The following HDAC7 variants were observed in gnomAD, a reference collection of about 807,000 sequenced individuals.
HDAC7 encodes the protein histone deacetylase 7, also known as histone deacetylase 7A.
In HDAC7, 26 loss-of-function variants were observed where a neutral mutation model predicts 115.5. That is an observed-to-expected ratio of 0.23 (90% CI 0.16 to 0.31). HDAC7 has a LOEUF of 0.31. HDAC7 is among the 10% of genes least tolerant of loss of function. The probability of loss-of-function intolerance (pLI) is 1.00; values close to 1 mark genes in which losing one functional copy is unlikely to be tolerated. For missense variants in HDAC7, 1,068 were observed against 1,329.0 expected (o/e 0.80, Z 3.05); for synonymous variants, 564 against 550.9 (o/e 1.02, Z -0.33).
intron 2 of HDAC7, among the ~76,000 whole-genome samples, chr12:47,800,019 T>C (rs1359715305): frequency 2.0e-5 from 3 of 152,086 alleles, no homozygotes; most frequent in South Asian, 2.1e-4. Context: ...TCCTCAGGGA[T>C]TGGGGCTGAG....
At chr12:47,808,307 G>A (rs1380263599) in intron 1 of HDAC7, among the ~76,000 whole-genome samples, 1 of 152,160 alleles carries the variant, frequency 6.6e-6, no homozygotes, top group Non-Finnish European at 1.5e-5. Context: ...CCTGAGCTGG[G>A]AGCCAGTGTC....
chr12:47,806,628 G>A (rs1271390215), intron 1 of HDAC7, among the ~76,000 whole-genome samples: 1 of 152,152 alleles, frequency 6.6e-6, no homozygotes, highest in Non-Finnish European at 1.5e-5. Context: ...GGCGGAGGCT[G>A]CAGTGAGCTG....
Position 47,793,276 on chromosome 12 carries a change from C to A in HDAC7, c.1678+93G>T. The A allele has an allele frequency of 1.1e-6, 1 of 941,876 alleles. No individual in the cohort carries two copies. 58.3% of individuals were successfully genotyped at this position (941,876 alleles called of 1,614,324 possible). ...CCTAACAAGGCTAAGCACTCTGTGG[C>A]CTCTAAAAATGTCCCAAGTGACACC... On this transcript the variant is annotated intron_variant, in intron 13 of 25. Coordinates refer to ENST00000080059, the MANE Select transcript of HDAC7 (RefSeq NM_015401.5). The surrounding 1 kb of genome is among the most constrained non-coding windows in gnomAD (Gnocchi z 4.5).
chr12:47,815,015 G>A (rs1354571233), intron 1 of HDAC7, among the ~76,000 whole-genome samples: 3 of 152,212 alleles, frequency 2.0e-5, no homozygotes, highest in African/African-American at 4.8e-5. Context: ...CCTGAGGTCA[G>A]ATGTTGTGCC....
intron 19 of HDAC7, 88 bp downstream of exon 19, chr12:47,789,167 CAGAACT>C: frequency 1.0e-6 from 1 of 982,092 alleles, no homozygotes. Flanking sequence ...GAGGCTACTG[CAGAACT>C]AAGACATGAA....
rs759245288 is a variant in HDAC7 at position 47,795,649 on chromosome 12, G to C, written c.1025C>G (p.Pro342Arg). The C allele has an allele frequency of 1.5e-5, 24 of 1,554,828 alleles. No individual in the cohort carries two copies. The highest frequency in any genetic ancestry group is 9.6e-5 in the African/African-American group (7 of 73,240). Residue 342 changes from proline (P) to arginine (R), a missense_variant, in exon 10 of 26, where the codon CCC becomes CGC. By Grantham distance (103) the Pro-to-Arg change is moderately radical (BLOSUM62 -2). This residue lies in a region of HDAC7 where 618 missense variants were observed against 701.5 expected (regional missense o/e 0.88). Coordinates refer to ENST00000080059, the MANE Select transcript of HDAC7 (RefSeq NM_015401.5). The surrounding 1 kb of genome is among the most constrained non-coding windows in gnomAD (Gnocchi z 4.3). ...GAGGAGAATGGGCTGCAGGCGAGAG[G>C]GCAAGGTGCCCCCAGCCTCGGGCTC... ...GLEPEAGGTL[P>R]SRLQPILLLD...
At position 47,803,150 on chromosome 12, in the gene HDAC7, G is replaced by C. The variant is rs964326397; in HGVS notation, c.20-876C>G. On this transcript the variant is annotated intron_variant, in intron 1 of 25. Transcript: ENST00000080059. This position sits in a 1 kb window ranked among gnomAD's most constrained non-coding sequence, Gnocchi z 4.0. ...GCCAGCTGGGGTTGGAGAAGACAGAGATGAGTCCTGAGGCCACCTGTCCAG... is the reference window on the plus strand; with the variant it reads ...GCCAGCTGGGGTTGGAGAAGACAGACATGAGTCCTGAGGCCACCTGTCCAG... 3.3e-5 allele frequency among the ~76,000 whole-genome samples: 5 copies of C among 152,160 alleles called. No individual in the cohort carries two copies. Among genetic ancestry groups the C allele is most frequent in the African/African-American group, 1.2e-4 (5 of 41,442 alleles).
At chr12:47,792,318 G>C (rs965205926) in intron 13 of HDAC7, 7 of 432,224 alleles carry the variant, frequency 1.6e-5, no homozygotes, top group Non-Finnish European at 2.5e-5. Context: ...CCCAGGACTC[G>C]AGGGCCCAGC....
At position 47,811,663 on chromosome 12, in the gene HDAC7, C is replaced by T. The variant is rs117832615; in HGVS notation, c.19+8104G>A. Among the ~76,000 whole-genome samples the T allele has an allele frequency of 3.8e-4, 58 of 152,286 alleles. No individual in the cohort carries two copies. The East Asian group carries it at 7.7e-3, about 20-fold the overall frequency. ...ACATGGACTGCCTCTGTAATAATTA[C>T]GCAGCATATATACGTACATAGACAC... On this transcript the variant is annotated intron_variant, in intron 1 of 25. Transcript: ENST00000080059.
Position 47,798,468 on chromosome 12 carries a change from G to T in HDAC7, c.349+94C>A, listed in dbSNP as rs563952110. The T allele has an allele frequency of 8.8e-7, 1 of 1,137,650 alleles. No individual in the cohort carries two copies. The highest frequency in any genetic ancestry group is 1.3e-5 in the South Asian group (1 of 78,864). The allele number at this position is 1,137,650 out of a possible 1,614,324, so 70.5% of individuals were successfully genotyped here. A position where few individuals can be genotyped will look rare whatever the true frequency, so the allele number is the denominator to read the frequency against. On this transcript the variant is annotated intron_variant, in intron 4 of 25. Coordinates refer to ENST00000080059, the MANE Select transcript of HDAC7 (RefSeq NM_015401.5). The surrounding 1 kb of genome is among the most constrained non-coding windows in gnomAD (Gnocchi z 4.3). The stretch of plus-strand genomic sequence containing the variant: ...AGCCTCGGCTCAGGCCCAGCTGGCT[G>T]CGGCCCTCCCACCTCACCCCTCACA...
At position 47,797,964 on chromosome 12, in the gene HDAC7, C is replaced by T. The variant is rs753946579; in HGVS notation, c.461+144G>A. 58 of 656,664 alleles carry T rather than the reference C, an allele frequency of 8.8e-5. No homozygotes were observed. Among genetic ancestry groups the T allele is most frequent in the Non-Finnish European group, 1.3e-4 (47 of 367,514 alleles). 40.7% of individuals were successfully genotyped at this position (656,664 alleles called of 1,614,324 possible). ...GCAGGTATCAGTTGAGAGAGGGGCT[C>T]GGGGGCATTATGTTTAGAGGAAGGG... is the stretch of plus-strand genomic sequence containing the variant. On this transcript the variant is annotated intron_variant, in intron 5 of 25. Transcript: ENST00000080059. The surrounding 1 kb of genome is among the most constrained non-coding windows in gnomAD (Gnocchi z 5.5).
intron 2 of HDAC7, among the ~76,000 whole-genome samples, chr12:47,800,070 T>C (rs1221241948): frequency 6.6e-6 from 1 of 151,872 alleles, no homozygotes; most frequent in Non-Finnish European, 1.5e-5. Context: ...AGTCCAGGAG[T>C]CAGAAATCAT....
At chr12:47,791,115 G>A (rs1654558244) in intron 16 of HDAC7, 144 bp downstream of exon 16, 1 of 767,546 alleles carries the variant, frequency 1.3e-6, no homozygotes, top group Non-Finnish European at 2.2e-6. Flanking sequence ...CTGCTGCAGG[G>A]GGCACCTCAG....
chr12:47,795,638 G>A lies in HDAC7; in HGVS notation c.1036C>T (p.Gln346Ter). 1 of 1,556,776 alleles carries A rather than the reference G, an allele frequency of 6.4e-7. No homozygotes were observed. The highest frequency in any genetic ancestry group is 8.7e-7 in the Non-Finnish European group (1 of 1,150,174). ...GAGGGGTCCAGGAGGAGAATGGGCT[G>A]CAGGCGAGAGGGCAAGGTGCCCCCA... The part of the protein sequence containing the change: ...EAGGTLPSRL[Q>*]PILLLDPSGS... The change falls in exon 10 of 26, where the codon CAG becomes TAG. Residue 346 changes from glutamine to a stop codon, truncating the protein, a stop_gained. Transcript: ENST00000080059. LOFTEE classifies it high-confidence loss of function. This position sits in a 1 kb window ranked among gnomAD's most constrained non-coding sequence, Gnocchi z 4.3.
At position 47,798,871 on chromosome 12, in the gene HDAC7, A is replaced by G. The variant is rs781668941; in HGVS notation, c.172T>C (p.Leu58=). ...CGCTGGGGACGCTGCAGGGCCAGCA[A>G]TGTGGGCTCTGGTGGGGGCTCCACT... ...PPVEPPPEPT[L]LALQRPQRLH... is the part of the protein sequence containing the mutation. The change falls in exon 3 of 26, where the codon TTG becomes CTG. Residue 58 remains leucine, a synonymous_variant. Coordinates refer to ENST00000080059, the MANE Select transcript of HDAC7 (RefSeq NM_015401.5). This position sits in a 1 kb window ranked among gnomAD's most constrained non-coding sequence, Gnocchi z 4.3. The G allele has an allele frequency of 1.3e-6, 2 of 1,553,964 alleles. No individual in the cohort carries two copies. Among genetic ancestry groups the G allele is most frequent in the South Asian group, 2.4e-5 (2 of 83,692 alleles).
chr12:47,785,298 C>CG (rs773805230), intron 24 of HDAC7, 89 bp downstream of exon 24: 45 of 1,110,752 alleles, frequency 4.1e-5, no homozygotes, highest in Non-Finnish European at 5.3e-5. Context: ...TGGCTGGCAC[C>CG]GGAAGCCCTA....
intron 1 of HDAC7, among the ~76,000 whole-genome samples, chr12:47,818,707 T>C (rs920890065): frequency 1.3e-5 from 2 of 152,194 alleles, no homozygotes; most frequent in Admixed American, 6.5e-5. Flanking sequence ...CAGGCAGAGC[T>C]GGGCCTCAGG....
chr12:47,794,326 C>T (rs1227218619), intron 12 of HDAC7, among the ~76,000 whole-genome samples: 3 of 152,258 alleles, frequency 2.0e-5, no homozygotes. Context: ...AGGCGCCCAG[C>T]CTGTATCCCA....
At chr12:47,805,328 C>T (rs1944354382) in intron 1 of HDAC7, among the ~76,000 whole-genome samples, 1 of 152,030 alleles carries the variant, frequency 6.6e-6, no homozygotes, top group Non-Finnish European at 1.5e-5. Flanking sequence ...AAGCGATCCT[C>T]CCCGCTCATC....
Sources: allele counts gnomAD v4.1 joint callset (sites outside exome capture counted in the v4.1 genomes callset), GRCh38; gene constraint gnomAD v4.1.1; regional missense constraint gnomAD v4.1.1; non-coding constraint Gnocchi (gnomAD v3.1); transcripts MANE v1.5; gene names NCBI Gene and HGNC (gene_info 2026-07-23, HGNC 2026-07-21).